Variants in EIF4E3 observed in about 807,000 individuals in gnomAD.
EIF4E3 encodes the protein eukaryotic translation initiation factor 4E type 3.
A neutral mutation model predicts 31.7 loss-of-function variants in EIF4E3; 26 were observed. That is an observed-to-expected ratio of 0.82 (90% confidence interval 0.60 to 1.14). The LOEUF is 1.14. EIF4E3 is among the 50% of genes most tolerant of loss of function. The pLI, the probability that EIF4E3 is intolerant of heterozygous loss-of-function variation, is 0.00. For missense variants in EIF4E3, 304 were observed against 270.9 expected, an observed-to-expected ratio of 1.12 and a Z score of -0.86; for synonymous variants, 128 against 107.7, an observed-to-expected ratio of 1.19 and a Z score of -1.17.
chr3:71,687,830 T>TA (rs1173153234), intron 6 of EIF4E3, among the ~76,000 whole-genome samples: 1 of 152,242 alleles, frequency 6.6e-6, no homozygotes, highest in Non-Finnish European at 1.5e-5. Flanking sequence ...TGGGAATACT[T>TA]ACACTAGGAT....
At chr3:71,734,972 C>T (rs762831422) in intron 1 of EIF4E3, among the ~76,000 whole-genome samples, 3 of 152,150 alleles carry the variant, frequency 2.0e-5, no homozygotes, top group Non-Finnish European at 4.4e-5. Flanking sequence ...AAACTGGCCC[C>T]AGGCTGGAAT....
intron 3 of EIF4E3, among the ~76,000 whole-genome samples, chr3:71,699,215 A>T (rs556493859): frequency 2.6e-5 from 4 of 152,262 alleles, no homozygotes; most frequent in Non-Finnish European, 5.9e-5. Flanking sequence ...TGACAGAGTG[A>T]GACCTGGTCT....
intron 1 of EIF4E3, among the ~76,000 whole-genome samples, chr3:71,751,042 G>A (rs2049923660): frequency 6.6e-6 from 1 of 151,854 alleles, no homozygotes; most frequent in Admixed American, 6.6e-5. Flanking sequence ...GATTACAGGT[G>A]TGAGCCACCG....
chr3:71,710,271 C>A (rs959202584), intron 2 of EIF4E3, 141 bp downstream of exon 2: 8 of 890,232 alleles, frequency 9.0e-6, no homozygotes, highest in East Asian at 5.3e-5. Context: ...TCAAGGGCAG[C>A]TGTGCCAACC....
At chr3:71,671,450 G>A (rs1399240795), downstream of EIF4E3, among the ~76,000 whole-genome samples, 1 of 152,182 alleles carries the variant, frequency 6.6e-6, no homozygotes, top group Non-Finnish European at 1.5e-5. Context: ...AACTCTCGGG[G>A]TATTGTGCTC....
intron 6 of EIF4E3, 152 bp downstream of exon 6, chr3:71,689,858 A>G: frequency 1.2e-6 from 1 of 807,874 alleles, no homozygotes; most frequent in Non-Finnish European, 1.7e-6. Flanking sequence ...TTTTTTTAAA[A>G]AAAAAAAAAA....
At chr3:71,668,973 T>C in the EIF4E3 span, among the ~76,000 whole-genome samples, 1 of 152,128 alleles carries the variant, frequency 6.6e-6, no homozygotes, top group Admixed American at 6.5e-5. Flanking sequence ...CTGTTCACAA[T>C]AGCAAAAACT....
In EIF4E3 at chr3:71,681,197, T is replaced by G. The variant is rs182723583; in HGVS notation, c.*3485A>C. 6.6e-6 allele frequency: 1 copy of G among 152,342 alleles called. No individual in the cohort carries two copies. Among genetic ancestry groups the G allele is most frequent in the East Asian group, 1.9e-4 (1 of 5,184 alleles). 9.4% of individuals were successfully genotyped at this position (152,342 alleles called of 1,614,324 possible). Reference sequence around the variant, plus strand: ...TAAATGTCTTATTGCCAAGTATCATTTTTACATTTTCTCGTCAAATTTTTA... The same window carrying G: ...TAAATGTCTTATTGCCAAGTATCATGTTTACATTTTCTCGTCAAATTTTTA... On this transcript the variant is annotated 3_prime_UTR_variant, in exon 7 of 7. Transcript: ENST00000425534.
rs554441087 is a variant in EIF4E3 at position 71,694,969 on chromosome 3, G to C, written c.406-1028C>G. On this transcript the variant is annotated intron_variant, in intron 4 of 6. Transcript: ENST00000425534. ...TCAATACATATTAACTATAATAATA[G>C]TGTGTATTATTATGTCCTCACAAGC... Among the ~76,000 whole-genome samples the C allele has an allele frequency of 5.9e-5, 9 of 152,316 alleles. No individual in the cohort carries two copies. The South Asian group carries it at 1.2e-3, about 21-fold the overall frequency.
intron 1 of EIF4E3, 104 bp from the exon 2 acceptor site, chr3:71,710,588 C>A: frequency 2.6e-6 from 3 of 1,149,566 alleles, no homozygotes; most frequent in Non-Finnish European, 3.8e-6. Context: ...AATCAGGTCT[C>A]AAACCACAGG....
At chr3:71,754,577 G>C, upstream of EIF4E3, 1 of 1,403,348 alleles carries the variant, frequency 7.1e-7, no homozygotes, top group Non-Finnish European at 9.3e-7. The surrounding 1 kb of genome is among the most constrained non-coding windows in gnomAD (Gnocchi z 5.8). Context: ...TGGAGCAGCG[G>C]CCCGACGGCG....
intron 1 of EIF4E3, among the ~76,000 whole-genome samples, chr3:71,730,873 G>A (rs2049699127): frequency 6.6e-6 from 1 of 152,084 alleles, no homozygotes; most frequent in Admixed American, 6.6e-5. Flanking sequence ...ACAAGCACAT[G>A]CCACCATGCC....
At chr3:71,686,894 G>A (rs1272558021) in intron 6 of EIF4E3, among the ~76,000 whole-genome samples, 1 of 152,160 alleles carries the variant, frequency 6.6e-6, no homozygotes, top group Non-Finnish European at 1.5e-5. Context: ...GGTAGAAAGG[G>A]ATTATAGAAT....
At position 71,690,082 on chromosome 3, in the gene EIF4E3, CCACTAAAGAGG is replaced by C. The variant is rs2049042733; in HGVS notation, c.545_555del (p.Ala182GlyfsTer2). ...ATCTTTTCTAAAACAGTCGCTTCAC[CCACTAAAGAGG>C]CATTTACATTCCAGACTTGGACGAC... On this transcript the variant is annotated frameshift_variant, in exon 6 of 7. Coordinates refer to ENST00000425534, the MANE Select transcript of EIF4E3 (RefSeq NM_001134651.2). LOFTEE classifies it high-confidence loss of function. 1 of 1,613,636 alleles carries C rather than the reference CCACTAAAGAGG, an allele frequency of 6.2e-7. No homozygotes were observed. The highest frequency in any genetic ancestry group is 1.7e-5 in the Admixed American group (1 of 59,960).
intron 1 of EIF4E3, among the ~76,000 whole-genome samples, chr3:71,733,046 C>T (rs936072820): frequency 6.6e-6 from 1 of 152,230 alleles, no homozygotes; most frequent in South Asian, 2.1e-4. Context: ...ATCTTCTCTG[C>T]TTTTTGAATA....
chr3:71,698,400 A>G (rs1400036245), intron 3 of EIF4E3, among the ~76,000 whole-genome samples: 1 of 152,210 alleles, frequency 6.6e-6, no homozygotes, highest in African/African-American at 2.4e-5. Flanking sequence ...TCTCCTATCA[A>G]CCATGTATCA....
At chr3:71,663,168 G>A in the EIF4E3 span, among the ~76,000 whole-genome samples, 7,571 of 152,214 alleles carry the variant, frequency 0.05, 257 homozygotes, top group Middle Eastern at 0.088. Flanking sequence ...TTGGAGGTGC[G>A]GGAGGGGATT....
intron 1 of EIF4E3, among the ~76,000 whole-genome samples, chr3:71,719,522 T>C (rs890651520): frequency 6.7e-6 from 1 of 148,770 alleles, no homozygotes; most frequent in Admixed American, 6.7e-5. Flanking sequence ...ATATGATGGC[T>C]CACCTTTCTG....
At chr3:71,717,048 A>G (rs1355384282) in intron 1 of EIF4E3, among the ~76,000 whole-genome samples, 10 of 152,228 alleles carry the variant, frequency 6.6e-5, no homozygotes, top group Non-Finnish European at 1.3e-4. Context: ...ATCTTTTATC[A>G]GACCACAGCA....
Sources: gnomAD v4.1 joint callset for allele counts (sites outside exome capture counted in the v4.1 genomes callset) on GRCh38, gnomAD v4.1.1 for gene constraint, Gnocchi (gnomAD v3.1) non-coding constraint, MANE v1.5 for transcripts, NCBI Gene and HGNC (gene_info 2026-07-23, HGNC 2026-07-21) for gene names.